The following PCDHGB1 variants were observed in gnomAD, a reference collection of about 807,000 sequenced individuals.
PCDHGB1 encodes protocadherin gamma-B1.
Under a neutral mutation model 56.6 loss-of-function variants are expected in PCDHGB1, and 34 were observed. The observed-to-expected ratio is 0.60, with a 90% CI of 0.46 to 0.80. The LOEUF is 0.80. Ranked by LOEUF, PCDHGB1 falls within the 30% of genes least tolerant of loss-of-function variation. The pLI, the probability that PCDHGB1 is intolerant of heterozygous loss-of-function variation, is 0.00. For missense variants in PCDHGB1, 1,278 were observed against 1,204.6 expected (o/e 1.06, Z -0.90); for synonymous variants, 561 against 505.9 (o/e 1.11, Z -1.46).
Position 141,410,441 on chromosome 5 carries a change from A to T in PCDHGB1, c.2409+57772A>T. ...AGTTCCCCCCAACTACAGTGAGGGGACTTTGCCTTATTCTTATAATCTGTG... is the reference window on the plus strand; with the variant it reads ...AGTTCCCCCCAACTACAGTGAGGGGTCTTTGCCTTATTCTTATAATCTGTG... On this transcript the variant is annotated intron_variant, in intron 1 of 3. Transcript: ENST00000523390. 2 of 1,613,946 alleles carry T rather than the reference A, an allele frequency of 1.2e-6. 1 individual carries two copies. The highest frequency in any genetic ancestry group is 2.2e-5 in the South Asian group (2 of 91,074).
At chr5:141,388,668 C>G in intron 1 of PCDHGB1, 1 of 1,613,882 alleles carries the variant, frequency 6.2e-7, no homozygotes, top group Non-Finnish European at 8.5e-7. Flanking sequence ...GACCACGGTG[C>G]TACAGGTGAC....
chr5:141,375,952 G>C (rs1032808913), intron 1 of PCDHGB1: 7 of 1,613,514 alleles, frequency 4.3e-6, no homozygotes, highest in South Asian at 1.1e-5. Flanking sequence ...GCCTGCACAC[G>C]GGCGAGGTGC....
In PCDHGB1 at chr5:141,477,854, C is replaced by G; in HGVS notation, c.2410-16953C>G. 3.1e-6 allele frequency: 5 copies of G among 1,614,098 alleles called. No individual in the cohort carries two copies. Among genetic ancestry groups the G allele is most frequent in the Non-Finnish European group, 4.2e-6 (5 of 1,180,004 alleles). ...GCCAGGTGGGAGCTCGGTGGAGATG[C>G]TGCCTCGAGGTACCTCAGCTGGCCA... On this transcript the variant is annotated intron_variant, in intron 1 of 3. Transcript: ENST00000523390. This position sits in a 1 kb window ranked among gnomAD's most constrained non-coding sequence, Gnocchi z 4.9.
intron 1 of PCDHGB1, chr5:141,419,140 G>A (rs1359933027): frequency 1.2e-6 from 2 of 1,613,750 alleles, no homozygotes; most frequent in East Asian, 2.2e-5. Flanking sequence ...CCACAGACAG[G>A]GGCAAGCCTC....
At chr5:141,408,308 T>C in intron 1 of PCDHGB1, 1 of 1,613,744 alleles carries the variant, frequency 6.2e-7, no homozygotes, top group South Asian at 1.1e-5. Flanking sequence ...GATCCGCTAC[T>C]CGATTCCGGA....
At chr5:141,458,854 T>G (rs2098955098) in intron 1 of PCDHGB1, among the ~76,000 whole-genome samples, 1 of 152,182 alleles carries the variant, frequency 6.6e-6, no homozygotes, top group South Asian at 2.1e-4. Flanking sequence ...CACCTCAGCC[T>G]TCCAAGTAGC....
At chr5:141,388,908 G>A (rs1240421900) in intron 1 of PCDHGB1, 5 of 1,613,892 alleles carry the variant, frequency 3.1e-6, no homozygotes, top group Admixed American at 1.7e-5. Flanking sequence ...AAATGACAAC[G>A]CCCCAGAAGT....
chr5:141,351,191 T>C lies in PCDHGB1; in HGVS notation c.931T>C (p.Tyr311His). 6.2e-7 allele frequency: 1 copy of C among 1,614,014 alleles called. No individual in the cohort carries two copies. Among genetic ancestry groups the C allele is most frequent in the Non-Finnish European group, 8.5e-7 (1 of 1,179,886 alleles). ...GTLDFEETSRYVLSVEAKDGG... is the reference protein window; with the variant it reads ...GTLDFEETSRHVLSVEAKDGG... ...ATTGGATTTTGAAGAGACAAGTAGA[T>C]ATGTGTTGAGTGTGGAAGCTAAGGA... The change falls in exon 1 of 4, where the codon TAT (tyrosine) becomes CAT (histidine). Residue 311 changes from tyrosine (Y) to histidine (H), a missense_variant. By Grantham distance (83) the Tyr-to-His change is moderately conservative. Transcript: ENST00000523390.
intron 2 of PCDHGB1, among the ~76,000 whole-genome samples, chr5:141,503,085 C>T (rs1284066265): frequency 6.6e-6 from 1 of 152,044 alleles, no homozygotes; most frequent in Non-Finnish European, 1.5e-5. Context: ...GATCTCCTGA[C>T]CTCGTGGTCT....
Position 141,491,834 on chromosome 5 carries a change from CG to C in PCDHGB1, c.2410-2970del. On this transcript the variant is annotated intron_variant, in intron 1 of 3. Transcript: ENST00000523390. This position sits in a 1 kb window ranked among gnomAD's most constrained non-coding sequence, Gnocchi z 6.9. ...CGCTGGCTGCGCTCCACCCGATTCT[CG>C]GGATCATTGGACCGTTTGCGCGAAA... 1 of 1,473,830 alleles carries C rather than the reference CG, an allele frequency of 6.8e-7. No homozygotes were observed. Among genetic ancestry groups the C allele is most frequent in the Middle Eastern group, 1.8e-4 (1 of 5,590 alleles). The allele number at this position is 1,473,830 out of a possible 1,614,324, so 91.3% of individuals were successfully genotyped here.
Position 141,417,750 on chromosome 5 carries a change from G to A in PCDHGB1, c.2409+65081G>A, listed in dbSNP as rs1430413607. The A allele has an allele frequency of 1.5e-5, 22 of 1,426,796 alleles. 1 individual carries two copies. In the East Asian group the frequency reaches 5.5e-4, roughly 36 times the overall value. The allele number at this position is 1,426,796 out of a possible 1,614,324, so 88.4% of individuals were successfully genotyped here. On this transcript the variant is annotated intron_variant, in intron 1 of 3. Coordinates refer to ENST00000523390, the MANE Select transcript of PCDHGB1 (RefSeq NM_018922.3). ...CCTTGCCCAGCACACCAGATTGCCA[G>A]CTCCGAGACCCGGGACTCCTCCTGT...
At chr5:141,384,391 G>C (rs759810331) in intron 1 of PCDHGB1, 24 of 1,613,920 alleles carry the variant, frequency 1.5e-5, no homozygotes, top group Non-Finnish European at 2.0e-5. Flanking sequence ...CACCATCCAG[G>C]GGGCTCCAGT....
intron 1 of PCDHGB1, among the ~76,000 whole-genome samples, chr5:141,458,336 GA>G (rs762646440): frequency 1.3e-5 from 2 of 152,118 alleles, no homozygotes; most frequent in Non-Finnish European, 2.9e-5. Context: ...TGGTTTTAAG[GA>G]GTGGAGAGTT....
At chr5:141,402,816 C>A (rs1009078444) in intron 1 of PCDHGB1, 4 of 1,261,760 alleles carry the variant, frequency 3.2e-6, no homozygotes, top group South Asian at 3.4e-5. Flanking sequence ...ATACCACAAA[C>A]CTGCTCCCAG....
chr5:141,362,471 A>T (rs1762524993), intron 1 of PCDHGB1: 6 of 1,614,018 alleles, frequency 3.7e-6, no homozygotes, highest in Non-Finnish European at 5.1e-6. Context: ...CCCGCGCAAG[A>T]TCTCGTCTGT....
Position 141,364,375 on chromosome 5 carries a change from G to A in PCDHGB1, c.2409+11706G>A, listed in dbSNP as rs749245484. On this transcript the variant is annotated intron_variant, in intron 1 of 3. Transcript: ENST00000523390. The stretch of plus-strand genomic sequence containing the variant: ...GCTGGGGCTGCGGAGAGCTGCTGCT[G>A]CCCTTCATGCTCCTGGGGACGCTGT... 1.9e-6 allele frequency: 3 copies of A among 1,574,886 alleles called. No individual in the cohort carries two copies. In the East Asian group the frequency reaches 6.7e-5, roughly 35 times the overall value.
At chr5:141,398,923 G>A in intron 1 of PCDHGB1, 1 of 1,613,978 alleles carries the variant, frequency 6.2e-7, no homozygotes, top group Non-Finnish European at 8.5e-7. Context: ...GCAAGTGTCA[G>A]CCACTGACCA....
Position 141,491,009 on chromosome 5 carries a change from C to A in PCDHGB1, c.2410-3798C>A. On this transcript the variant is annotated intron_variant, in intron 1 of 3. Transcript: ENST00000523390. This position sits in a 1 kb window ranked among gnomAD's most constrained non-coding sequence, Gnocchi z 6.9. ...TCTGCTCCTCCTGGCTCCTTGGTCA[C>A]CAAGGTGACAGCCGTGGATGCTGAT... 4 of 1,614,140 alleles carry A rather than the reference C, an allele frequency of 2.5e-6. No homozygotes were observed. Among genetic ancestry groups the A allele is most frequent in the Non-Finnish European group, 3.4e-6 (4 of 1,180,038 alleles).
intron 1 of PCDHGB1, 33 bp from the exon 2 acceptor site, chr5:141,494,774 T>C (rs1462930792): frequency 6.2e-7 from 1 of 1,613,860 alleles, no homozygotes; most frequent in African/African-American, 1.3e-5. Flanking sequence ...TTCTCACGGG[T>C]ACTCAGCCCC....
Sources: gnomAD v4.1 joint callset for allele counts (sites outside exome capture counted in the v4.1 genomes callset) on GRCh38, gnomAD v4.1.1 for gene constraint, Gnocchi (gnomAD v3.1) non-coding constraint, MANE v1.5 for transcripts, NCBI Gene and HGNC (gene_info 2026-07-23, HGNC 2026-07-21) for gene names.